Variants in STAG1 observed in about 807,000 individuals in gnomAD.
STAG1 encodes the protein cohesin subunit SA-1.
Under a neutral mutation model 170.9 loss-of-function variants are expected in STAG1, and 26 were observed. The observed-to-expected ratio is 0.15, with a 90% confidence interval of 0.11 to 0.21. STAG1 has a LOEUF of 0.21. STAG1 is among the 10% of genes least tolerant of loss of function. STAG1 has a pLI of 1.00. For synonymous variants in STAG1, 514 were observed against 497.7 expected (o/e 1.03, Z -0.44); for missense variants, 964 against 1,509.5 (o/e 0.64, Z 5.99).
At chr3:136,352,780 A>G (rs1936485825) in intron 28 of STAG1, among the ~76,000 whole-genome samples, 1 of 152,240 alleles carries the variant, frequency 6.6e-6, no homozygotes, top group Admixed American at 6.5e-5. Context: ...GATATTATCA[A>G]ACTATAGGCT....
At chr3:136,477,487 CAATA>C in intron 9 of STAG1, 75 bp from the exon 10 acceptor site, 2 of 1,333,634 alleles carry the variant, frequency 1.5e-6, no homozygotes, top group East Asian at 2.5e-5. Context: ...TTTCCATAAG[CAATA>C]AATATTTCTA....
chr3:136,552,357 T>TTTACATTTA (rs1216593435), intron 5 of STAG1, among the ~76,000 whole-genome samples: 1 of 152,188 alleles, frequency 6.6e-6, no homozygotes, highest in Non-Finnish European at 1.5e-5. Flanking sequence ...GAGAAATCAC[T>TTTACATTTA]TTACATTTAT....
At chr3:136,498,492 G>A (rs891656407) in intron 9 of STAG1, among the ~76,000 whole-genome samples, 1 of 151,452 alleles carries the variant, frequency 6.6e-6, no homozygotes, top group African/African-American at 2.4e-5. Context: ...TGATGGAAAG[G>A]TAGAACAACA....
Position 136,464,869 on chromosome 3 carries a change from T to C in STAG1, c.1313+12A>G, listed in dbSNP as rs748773508. Reference sequence around the variant, plus strand: ...GAAAAGTAGAACCGGTTTTCAAAGATAATTAGCTCACTTTTTGTGAAGGAA... The same window carrying C: ...GAAAAGTAGAACCGGTTTTCAAAGACAATTAGCTCACTTTTTGTGAAGGAA... On this transcript the variant is annotated intron_variant, in intron 13 of 33. Coordinates refer to ENST00000383202, the MANE Select transcript of STAG1 (RefSeq NM_005862.3). The C allele has an allele frequency of 2.5e-6, 4 of 1,604,270 alleles. No homozygotes were observed. Among genetic ancestry groups the C allele is most frequent in the South Asian group, 2.2e-5 (2 of 89,090 alleles).
chr3:136,737,230 TC>T, intron 1 of STAG1: 1 of 652,700 alleles, frequency 1.5e-6, no homozygotes. Flanking sequence ...AGCCGCCACT[TC>T]CCCAGCCCAG....
chr3:136,389,163 C>A (rs937894352), intron 22 of STAG1, among the ~76,000 whole-genome samples: 1 of 152,104 alleles, frequency 6.6e-6, no homozygotes, highest in Admixed American at 6.6e-5. Context: ...CTTGGTCCTG[C>A]CTTGTTACTT....
intron 5 of STAG1, among the ~76,000 whole-genome samples, chr3:136,558,887 G>C (rs1056410477): frequency 6.6e-6 from 1 of 152,118 alleles, no homozygotes; most frequent in African/African-American, 2.4e-5. Context: ...AAATTAACTG[G>C]TATATTCATA....
intron 1 of STAG1, among the ~76,000 whole-genome samples, chr3:136,665,577 A>G (rs1309926110): frequency 1.3e-5 from 2 of 151,782 alleles, no homozygotes; most frequent in Non-Finnish European, 2.9e-5. Context: ...CAGGAGATCG[A>G]GACCACCCTA....
intron 3 of STAG1, among the ~76,000 whole-genome samples, chr3:136,622,154 A>G (rs1415680214): frequency 3.8e-4 from 57 of 150,374 alleles, no homozygotes; most frequent in East Asian, 5.8e-4. Context: ...AAAAAAAAAA[A>G]AAAAGAAAAG....
At chr3:136,585,213 G>A (rs1937751604) in intron 4 of STAG1, among the ~76,000 whole-genome samples, 2 of 152,172 alleles carry the variant, frequency 1.3e-5, no homozygotes, top group South Asian at 2.1e-4. Flanking sequence ...AGGCCAAGAT[G>A]GGCAGATCAC....
At chr3:136,467,371 A>G (rs2089493980) in intron 12 of STAG1, among the ~76,000 whole-genome samples, 1 of 152,196 alleles carries the variant, frequency 6.6e-6, no homozygotes, top group Non-Finnish European at 1.5e-5. Flanking sequence ...AGTCTCTGAT[A>G]AAACAGACTT....
At chr3:136,640,431 C>T (rs1005401701) in intron 1 of STAG1, among the ~76,000 whole-genome samples, 86 of 150,880 alleles carry the variant, frequency 5.7e-4, no homozygotes, top group African/African-American at 3.9e-4. Context: ...TGCAATGGCA[C>T]GATCTCGGCT....
intron 1 of STAG1, among the ~76,000 whole-genome samples, chr3:136,644,288 C>CA (rs1165277918): frequency 2.0e-5 from 3 of 152,162 alleles, no homozygotes; most frequent in Non-Finnish European, 4.4e-5. Context: ...CAGAATCCCA[C>CA]AGACTGTAAA....
chr3:136,736,505 C>T lies in STAG1; in HGVS notation c.-84+15690G>A, dbSNP rs1038568949. 31 of 1,397,588 alleles carry T rather than the reference C, an allele frequency of 2.2e-5. No homozygotes were observed. The African/African-American group carries it at 4.3e-4, about 19-fold the overall frequency. 86.6% of individuals were successfully genotyped at this position (1,397,588 alleles called of 1,614,324 possible). A position where few individuals can be genotyped will look rare whatever the true frequency, so the allele number is the denominator to read the frequency against. ...TGACCCCGGGTGGTCATTCACGCTGCTCCATTTTTACTTTCGGTGGTCTCA... is the reference window on the plus strand; with the variant it reads ...TGACCCCGGGTGGTCATTCACGCTGTTCCATTTTTACTTTCGGTGGTCTCA... On this transcript the variant is annotated intron_variant, in intron 1 of 33. Transcript: ENST00000383202.
At chr3:136,502,819 A>C in intron 7 of STAG1, 40 bp from the exon 8 acceptor site, 2 of 1,458,320 alleles carry the variant, frequency 1.4e-6, no homozygotes, top group Non-Finnish European at 1.8e-6. Context: ...ATGAATCAAA[A>C]CTTTATCCAT....
chr3:136,611,124 C>T (rs777947062), intron 3 of STAG1, among the ~76,000 whole-genome samples: 5 of 152,134 alleles, frequency 3.3e-5, no homozygotes, highest in Non-Finnish European at 7.3e-5. Context: ...ATATACCTTA[C>T]ACACACAGCC....
At chr3:136,696,079 G>A (rs1277784791) in intron 1 of STAG1, among the ~76,000 whole-genome samples, 1 of 152,162 alleles carries the variant, frequency 6.6e-6, no homozygotes, top group East Asian at 1.9e-4. Flanking sequence ...AAAAGATTGG[G>A]GTTTTATTAG....
intron 14 of STAG1, among the ~76,000 whole-genome samples, chr3:136,448,169 C>T (rs1363095877): frequency 6.6e-6 from 1 of 152,082 alleles, no homozygotes; most frequent in Admixed American, 6.6e-5. Flanking sequence ...CAAACTGATT[C>T]CAATTCAACA....
At position 136,595,700 on chromosome 3, in the gene STAG1, A is replaced by C. The variant is rs57977215; in HGVS notation, c.297+8609T>G. ...TCAATAAATAAATAAATAAATAAAT[A>C]AATAAATAAATAAATAAATAAATAA... On this transcript the variant is annotated intron_variant, in intron 4 of 33. Coordinates refer to ENST00000383202, the MANE Select transcript of STAG1 (RefSeq NM_005862.3). Among the ~76,000 whole-genome samples, 13 of 148,600 alleles carry C rather than the reference A, an allele frequency of 8.7e-5. No individual in the cohort carries two copies. In the East Asian group the frequency reaches 1.4e-3, roughly 16 times the overall value.
Sources: allele counts gnomAD v4.1 joint callset (sites outside exome capture counted in the v4.1 genomes callset), GRCh38; gene constraint gnomAD v4.1.1; transcripts MANE v1.5; gene names NCBI Gene and HGNC (gene_info 2026-07-23, HGNC 2026-07-21).